PRKCE: variants seen among roughly 807,000 people sequenced by gnomAD.
PRKCE encodes the protein protein kinase C epsilon.
A neutral mutation model predicts 85.4 loss-of-function variants in PRKCE; 16 were observed. That is an observed-to-expected ratio of 0.19 (90% CI 0.13 to 0.28). PRKCE has a LOEUF of 0.28. Among genes scored for constraint, PRKCE ranks in the 10% least tolerant of loss-of-function variants. The pLI is 1.00. For missense variants in PRKCE, 573 were observed against 975.2 expected, an observed-to-expected ratio of 0.59 and a Z score of 5.49; for synonymous variants, 388 against 371.5, an observed-to-expected ratio of 1.04 and a Z score of -0.51.
chr2:45,808,060 G>C (rs1162575489), intron 1 of PRKCE, among the ~76,000 whole-genome samples: 1 of 152,060 alleles, frequency 6.6e-6, no homozygotes, highest in Non-Finnish European at 1.5e-5. Flanking sequence ...GACTGTTGCT[G>C]ATCATGGTAG....
At chr2:46,015,361 T>A (rs1294508316) in intron 10 of PRKCE, among the ~76,000 whole-genome samples, 1 of 152,190 alleles carries the variant, frequency 6.6e-6, no homozygotes, top group African/African-American at 2.4e-5. Context: ...AATTTCATGA[T>A]TTTTCCTCTT....
At chr2:45,785,377 C>T (rs1157575350) in intron 1 of PRKCE, among the ~76,000 whole-genome samples, 1 of 151,804 alleles carries the variant, frequency 6.6e-6, no homozygotes, top group Non-Finnish European at 1.5e-5. Flanking sequence ...TGTAGTTCCA[C>T]CTACTCAGGA....
chr2:46,030,420 G>A (rs1473376062), intron 10 of PRKCE, among the ~76,000 whole-genome samples: 1 of 152,164 alleles, frequency 6.6e-6, no homozygotes, highest in Non-Finnish European at 1.5e-5. Context: ...CCCAAGTAGT[G>A]GGGCGGTCCC....
At chr2:45,776,102 G>A (rs1220370655) in intron 1 of PRKCE, among the ~76,000 whole-genome samples, 1 of 152,218 alleles carries the variant, frequency 6.6e-6, no homozygotes, top group Admixed American at 6.5e-5. Context: ...GTAGTGCAGA[G>A]TATGTACTTA....
At chr2:45,845,924 C>T (rs977643950) in intron 2 of PRKCE, among the ~76,000 whole-genome samples, 2 of 152,122 alleles carry the variant, frequency 1.3e-5, no homozygotes, top group Non-Finnish European at 2.9e-5. Flanking sequence ...TGTCAGAGCT[C>T]GTGGCTGAGG....
Position 45,887,813 on chromosome 2 carries a change from G to C in PRKCE, c.412+44750G>C, listed in dbSNP as rs559667497. The stretch of plus-strand genomic sequence containing the variant: ...GACTTTGCTTGCTGAGCAAATGGCA[G>C]CTACTGCCAAAATGTGGTCTCTGCC... On this transcript the variant is annotated intron_variant, in intron 2 of 14. Coordinates refer to ENST00000306156, the MANE Select transcript of PRKCE (RefSeq NM_005400.3). Among the ~76,000 whole-genome samples the C allele has an allele frequency of 3.9e-5, 6 of 152,334 alleles. No individual in the cohort carries two copies. In the East Asian group the frequency reaches 1.2e-3, roughly 29 times the overall value.
At chr2:45,974,705 A>T (rs546095422) in intron 2 of PRKCE, among the ~76,000 whole-genome samples, 1 of 152,178 alleles carries the variant, frequency 6.6e-6, no homozygotes, top group African/African-American at 2.4e-5. Flanking sequence ...TATGACCTCC[A>T]CTTCAGGGAA....
At chr2:45,988,511 G>C (rs1263112891) in intron 6 of PRKCE, among the ~76,000 whole-genome samples, 1 of 151,880 alleles carries the variant, frequency 6.6e-6, no homozygotes, top group Admixed American at 6.6e-5. Flanking sequence ...AGGAACTGTG[G>C]GGCAACCAGC....
Position 46,164,158 on chromosome 2 carries a change from G to A in PRKCE, c.2067+4406G>A, listed in dbSNP as rs539470046. On this transcript the variant is annotated intron_variant, in intron 14 of 14. Coordinates refer to ENST00000306156, the MANE Select transcript of PRKCE (RefSeq NM_005400.3). The stretch of plus-strand genomic sequence containing the variant: ...AAGAGGGAAAACTGGTTTAGATCCC[G>A]ACATTGGGAAAAAACCTCCAAGTTA... 9.2e-5 allele frequency among the ~76,000 whole-genome samples: 14 copies of A among 152,312 alleles called. No homozygotes were observed. The South Asian group carries it at 2.1e-3, about 23-fold the overall frequency.
chr2:45,683,477 C>T (rs2285024), intron 1 of PRKCE, among the ~76,000 whole-genome samples: 42,637 of 152,006 alleles, frequency 0.28, 6,399 homozygotes, highest in South Asian at 0.38. Context: ...AGTAATACCC[C>T]GAGGAGTAAG....
At chr2:45,998,187 AGTTGATTAATGTTGCT>A (rs1303195153) in intron 6 of PRKCE, among the ~76,000 whole-genome samples, 41 of 152,116 alleles carry the variant, frequency 2.7e-4, no homozygotes, top group Admixed American at 2.2e-3. Context: ...CTGTTGATTC[AGTTGATTAATGTTGCT>A]GTTGATTAAT....
In PRKCE at chr2:46,176,529, T is replaced by C. The variant is rs193003476; in HGVS notation, c.2068-8206T>C. Among the ~76,000 whole-genome samples, 3 of 152,314 alleles carry C rather than the reference T, an allele frequency of 2.0e-5. No homozygotes were observed. The East Asian group carries it at 5.8e-4, about 29-fold the overall frequency. ...GAAATTGATATTATTAAAGGAAGTT[T>C]CTATAAATTCTTAATGAGAAGATAG... On this transcript the variant is annotated intron_variant, in intron 14 of 14. Coordinates refer to ENST00000306156, the MANE Select transcript of PRKCE (RefSeq NM_005400.3).
rs531634050 is a variant in PRKCE at position 46,010,916 on chromosome 2, T to C, written c.1437+399T>C. 1.1e-4 allele frequency: 163 copies of C among 1,451,370 alleles called. 1 individual carries two copies. In the Admixed American group the frequency reaches 1.4e-3, roughly 12 times the overall value. 89.9% of individuals were successfully genotyped at this position (1,451,370 alleles called of 1,614,324 possible). A position where few individuals can be genotyped will look rare whatever the true frequency, so the allele number is the denominator to read the frequency against. ...AAAAAGAGTAAAGGCCACCTTAATC[T>C]CTTCTAATCTGTGTAATGTCATCTG... On this transcript the variant is annotated intron_variant, in intron 10 of 14. Coordinates refer to ENST00000306156, the MANE Select transcript of PRKCE (RefSeq NM_005400.3).
intron 1 of PRKCE, among the ~76,000 whole-genome samples, chr2:45,833,060 G>A (rs1469686364): frequency 2.0e-5 from 3 of 150,526 alleles, no homozygotes; most frequent in Non-Finnish European, 4.4e-5. Context: ...GCTCATGCCT[G>A]TAATCCCAGC....
intron 10 of PRKCE, among the ~76,000 whole-genome samples, chr2:46,017,130 T>G (rs1346794319): frequency 6.6e-6 from 1 of 152,000 alleles, no homozygotes; most frequent in Non-Finnish European, 1.5e-5. Flanking sequence ...GCATTCATAA[T>G]GTCCATCCAT....
At chr2:45,872,262 G>A (rs1054399597) in intron 2 of PRKCE, among the ~76,000 whole-genome samples, 1 of 152,138 alleles carries the variant, frequency 6.6e-6, no homozygotes, top group Non-Finnish European at 1.5e-5. Flanking sequence ...AGAACATCAC[G>A]TTGGGCAGAG....
At chr2:45,781,493 G>T (rs1373043880) in intron 1 of PRKCE, among the ~76,000 whole-genome samples, 1 of 152,072 alleles carries the variant, frequency 6.6e-6, no homozygotes, top group East Asian at 1.9e-4. Flanking sequence ...CAATTTGTTT[G>T]TTATTTTCTA....
At chr2:45,991,383 TTC>T (rs920846086) in intron 6 of PRKCE, among the ~76,000 whole-genome samples, 1 of 152,244 alleles carries the variant, frequency 6.6e-6, no homozygotes, top group Non-Finnish European at 1.5e-5. Flanking sequence ...GTCTGTTTTA[TTC>T]TCTGTTTACC....
chr2:45,920,244 T>G (rs899627050), intron 2 of PRKCE, among the ~76,000 whole-genome samples: 3 of 152,126 alleles, frequency 2.0e-5, no homozygotes, highest in African/African-American at 7.2e-5. Context: ...AGGATAAACT[T>G]TGGAGGATGA....
Sources: allele counts gnomAD v4.1 joint callset (sites outside exome capture counted in the v4.1 genomes callset), GRCh38; gene constraint gnomAD v4.1.1; transcripts MANE v1.5; gene names NCBI Gene and HGNC (gene_info 2026-07-23, HGNC 2026-07-21).